Variants in FBXL7 observed in about 807,000 individuals in gnomAD.
FBXL7 encodes F-box/LRR-repeat protein 7.
Under a neutral mutation model 38.3 loss-of-function variants are expected in FBXL7, and 12 were observed. The observed-to-expected ratio is 0.31, with a 90% CI of 0.20 to 0.51. The LOEUF is 0.51. Among genes scored for constraint, FBXL7 ranks in the 20% least tolerant of loss-of-function variants. FBXL7 has a pLI of 0.98. For missense variants in FBXL7, 567 were observed against 676.4 expected (o/e 0.84, Z 1.79); for synonymous variants, 297 against 300.9 (o/e 0.99, Z 0.13).
intron 1 of FBXL7, among the ~76,000 whole-genome samples, chr5:15,551,113 G>A (rs955057388): frequency 6.6e-6 from 1 of 152,130 alleles, no homozygotes; most frequent in African/African-American, 2.4e-5. Context: ...CATTGTTTGT[G>A]TTGTACTCAG....
chr5:15,885,278 G>A (rs191974792), intron 2 of FBXL7, among the ~76,000 whole-genome samples: 13 of 152,326 alleles, frequency 8.5e-5, no homozygotes, highest in Admixed American at 6.5e-4. Flanking sequence ...GTTCCAGCAC[G>A]GCATCTTGCT....
intron 2 of FBXL7, among the ~76,000 whole-genome samples, chr5:15,719,169 GT>G (rs74365790): frequency 6.6e-6 from 1 of 151,638 alleles, no homozygotes; most frequent in African/African-American, 2.4e-5. Context: ...TTACACCCTC[GT>G]TTTTTTTCCT....
chr5:15,616,895 C>G (rs1740471411), intron 2 of FBXL7, among the ~76,000 whole-genome samples: 1 of 152,222 alleles, frequency 6.6e-6, no homozygotes, highest in African/African-American at 2.4e-5. Flanking sequence ...AGACCTTGAG[C>G]TGTCAGCTAA....
At chr5:15,612,712 G>A (rs979233216) in intron 1 of FBXL7, among the ~76,000 whole-genome samples, 3 of 152,132 alleles carry the variant, frequency 2.0e-5, no homozygotes, top group Non-Finnish European at 2.9e-5. Context: ...AAATGTGCCC[G>A]ATACAGTCAG....
At chr5:15,810,968 A>T (rs1284251299) in intron 2 of FBXL7, among the ~76,000 whole-genome samples, 1 of 152,176 alleles carries the variant, frequency 6.6e-6, no homozygotes. Context: ...ATCTTTCCTA[A>T]CAAAAGCAAA....
chr5:15,863,147 G>A (rs922387907), intron 2 of FBXL7, among the ~76,000 whole-genome samples: 1 of 152,134 alleles, frequency 6.6e-6, no homozygotes, highest in African/African-American at 2.4e-5. Flanking sequence ...GGTAGCAGAC[G>A]TCCACTCTAA....
chr5:15,591,781 G>T (rs1739484042), intron 1 of FBXL7, among the ~76,000 whole-genome samples: 1 of 152,038 alleles, frequency 6.6e-6, no homozygotes, highest in Non-Finnish European at 1.5e-5. Flanking sequence ...CACGATCTTG[G>T]CTCACTGCAA....
chr5:15,652,431 T>C (rs1580435392), intron 2 of FBXL7, among the ~76,000 whole-genome samples: 1 of 152,236 alleles, frequency 6.6e-6, no homozygotes, highest in East Asian at 1.9e-4. Context: ...CAAGCCCGGC[T>C]AATTTTTTGT....
chr5:15,725,721 C>T (rs980006677), intron 2 of FBXL7, among the ~76,000 whole-genome samples: 1 of 152,070 alleles, frequency 6.6e-6, no homozygotes, highest in African/African-American at 2.4e-5. Context: ...ACTGCAACCT[C>T]CATCTCCCAT....
At chr5:15,540,523 A>G (rs1167495676) in intron 1 of FBXL7, among the ~76,000 whole-genome samples, 1 of 152,190 alleles carries the variant, frequency 6.6e-6, no homozygotes, top group Non-Finnish European at 1.5e-5. Flanking sequence ...GTAAAATTCT[A>G]TGCAGTGGTA....
intron 2 of FBXL7, among the ~76,000 whole-genome samples, chr5:15,700,337 A>G (rs1743481510): frequency 6.6e-6 from 1 of 152,220 alleles, no homozygotes; most frequent in African/African-American, 2.4e-5. Context: ...TGAAGCCAAA[A>G]GCGTTCCTTG....
In FBXL7 at chr5:15,560,469, C is replaced by T. The variant is rs148249370; in HGVS notation, c.38-55514C>T. Among the ~76,000 whole-genome samples the T allele has an allele frequency of 4.4e-3, 676 of 152,256 alleles. 4 individuals are homozygous for T. Among genetic ancestry groups the T allele is most frequent in the South Asian group, 0.018 (89 of 4,820 alleles). On this transcript the variant is annotated intron_variant, in intron 1 of 3. Transcript: ENST00000504595. ...CAAATGGTTCCAAATTGACCAGCCT[C>T]CTGGGCTCCCAACAGCTCATGCATG...
intron 1 of FBXL7, among the ~76,000 whole-genome samples, chr5:15,593,190 T>C (rs960337361): frequency 6.6e-6 from 1 of 152,146 alleles, no homozygotes; most frequent in African/African-American, 2.4e-5. Context: ...CCCTCTCACT[T>C]CCTCTGGATT....
intron 2 of FBXL7, among the ~76,000 whole-genome samples, chr5:15,642,073 T>C (rs571462827): frequency 5.3e-5 from 8 of 151,812 alleles, no homozygotes; most frequent in Non-Finnish European, 8.8e-5. Context: ...AGTGAGACTT[T>C]AAAAGAACAT....
intron 2 of FBXL7, among the ~76,000 whole-genome samples, chr5:15,653,434 A>G (rs1741775621): frequency 6.6e-6 from 1 of 152,226 alleles, no homozygotes; most frequent in African/African-American, 2.4e-5. Flanking sequence ...ACTTCACAGT[A>G]TATCTGAATT....
At chr5:15,671,778 T>C (rs1329125517) in intron 2 of FBXL7, among the ~76,000 whole-genome samples, 1 of 152,182 alleles carries the variant, frequency 6.6e-6, no homozygotes, top group Non-Finnish European at 1.5e-5. Flanking sequence ...ACCAAACAAT[T>C]AGATGATTTC....
chr5:15,911,374 A>G (rs1157313091), intron 2 of FBXL7, among the ~76,000 whole-genome samples: 7 of 120,630 alleles, frequency 5.8e-5, no homozygotes, highest in Admixed American at 4.0e-4. Flanking sequence ...TTTCAGCTCC[A>G]TCAGCTCCTT....
intron 2 of FBXL7, among the ~76,000 whole-genome samples, chr5:15,739,050 G>A (rs751441241): frequency 6.6e-6 from 1 of 152,172 alleles, no homozygotes; most frequent in Non-Finnish European, 1.5e-5. Context: ...TGGTTTGAGC[G>A]AAGTGATCAT....
intron 1 of FBXL7, among the ~76,000 whole-genome samples, chr5:15,592,457 A>T (rs1217032415): frequency 6.6e-6 from 1 of 152,160 alleles, no homozygotes; most frequent in East Asian, 1.9e-4. Flanking sequence ...TTAATGTCAG[A>T]TTATATATAT....
Sources: gnomAD v4.1 joint callset for allele counts (sites outside exome capture counted in the v4.1 genomes callset) on GRCh38, gnomAD v4.1.1 for gene constraint, MANE v1.5 for transcripts, NCBI Gene and HGNC (gene_info 2026-07-23, HGNC 2026-07-21) for gene names.